ERBIN: variants seen among roughly 807,000 people sequenced by gnomAD.
ERBIN encodes erbb2 interacting protein.
In ERBIN, 60 loss-of-function variants were observed where a neutral mutation model predicts 158.4. The ratio of observed to expected loss-of-function variants is 0.38; its 90% CI spans 0.31 to 0.47. The LOEUF (loss-of-function observed/expected upper bound fraction) is 0.47, where lower values mean the gene tolerates loss of function less well. Ranked by LOEUF, ERBIN falls within the 20% of genes least tolerant of loss-of-function variation. The pLI is 0.99. For synonymous variants in ERBIN, 594 were observed against 557.2 expected, an observed-to-expected ratio of 1.07 and a Z score of -0.93; for missense variants, 1,610 against 1,648.0, an observed-to-expected ratio of 0.98 and a Z score of 0.40.
chr5:65,968,841 G>A (rs553307806), intron 1 of ERBIN, among the ~76,000 whole-genome samples: 7 of 152,298 alleles, frequency 4.6e-5, no homozygotes, highest in Middle Eastern at 3.4e-3. Flanking sequence ...GATTACAGGC[G>A]TGAGCCACTG....
chr5:65,986,708 A>G (rs1458363751), intron 1 of ERBIN, among the ~76,000 whole-genome samples: 1 of 152,254 alleles, frequency 6.6e-6, no homozygotes, highest in Non-Finnish European at 1.5e-5. Flanking sequence ...AAACATAGCA[A>G]TAGTTTAAGC....
chr5:66,050,796 A>G lies in ERBIN; in HGVS notation c.1917A>G (p.Glu639=). The part of the protein sequence containing the change: ...LSNNKKDDTK[E]TDSLSDEVTH... ...GTTTTGTTTCAGATGATACAAAGGA[A>G]ACAGATTCTTTATCAGATGAAGTTA... The change falls in exon 20 of 26, where the codon GAA becomes GAG. Residue 639 remains glutamate (E), a synonymous_variant. Transcript: ENST00000284037. The G allele has an allele frequency of 6.4e-7, 1 of 1,553,922 alleles. No individual in the cohort carries two copies. Among genetic ancestry groups the G allele is most frequent in the South Asian group, 1.2e-5 (1 of 80,820 alleles).
chr5:66,009,244 C>T (rs1471046498), intron 4 of ERBIN, among the ~76,000 whole-genome samples: 8 of 152,162 alleles, frequency 5.3e-5, no homozygotes, highest in Admixed American at 5.2e-4. Flanking sequence ...ATATTAGGAG[C>T]ATCATTTCAA....
chr5:65,976,229 T>C (rs1749837377), intron 1 of ERBIN, among the ~76,000 whole-genome samples: 1 of 152,194 alleles, frequency 6.6e-6, no homozygotes, highest in South Asian at 2.1e-4. Context: ...ATCCCAGCAC[T>C]TTGGGAAGCT....
At chr5:66,026,978 G>A (rs1756323897) in intron 13 of ERBIN, among the ~76,000 whole-genome samples, 1 of 151,946 alleles carries the variant, frequency 6.6e-6, no homozygotes, top group Non-Finnish European at 1.5e-5. Context: ...AAGGTGCAGA[G>A]TAAATTGATC....
At chr5:66,002,838 C>A (rs1451232681) in intron 4 of ERBIN, among the ~76,000 whole-genome samples, 2 of 152,098 alleles carry the variant, frequency 1.3e-5, no homozygotes, top group Non-Finnish European at 2.9e-5. Context: ...TCTAAAATTG[C>A]CATTTTGCTT....
At position 66,080,080 on chromosome 5, in the gene ERBIN, A is replaced by G. The variant is rs563795641; in HGVS notation, c.*1550A>G. On this transcript the variant is annotated 3_prime_UTR_variant, in exon 26 of 26. Transcript: ENST00000284037. Reference sequence around the variant, plus strand: ...TTATTGCACTTCATTTTTATTTACTAAGAAATGCAATTTGGGAATTTTTAA... The same window carrying G: ...TTATTGCACTTCATTTTTATTTACTGAGAAATGCAATTTGGGAATTTTTAA... 2.0e-5 allele frequency: 3 copies of G among 152,368 alleles called. No homozygotes were observed. Among genetic ancestry groups the G allele is most frequent in the African/African-American group, 7.2e-5 (3 of 41,574 alleles). 9.4% of individuals were successfully genotyped at this position (152,368 alleles called of 1,614,324 possible). A position where few individuals can be genotyped will look rare whatever the true frequency, so the allele number is the denominator to read the frequency against.
In ERBIN at chr5:66,054,329, G is replaced by C; in HGVS notation, c.3011G>C (p.Ser1004Thr). ...SKQNPQIDHA[S>T]FPPQLLPRSE... ...CAAAATCCCCAAATAGACCATGCCA[G>C]TTTTCCTCCTCAGCTCCTTCCTAGA... The change falls in exon 21 of 26, where the codon AGT becomes ACT. Residue 1004 changes from serine to threonine, a missense_variant. Coordinates refer to ENST00000284037, the MANE Select transcript of ERBIN (RefSeq NM_001253697.2). 6.2e-7 allele frequency: 1 copy of C among 1,614,122 alleles called. No individual in the cohort carries two copies. The highest frequency in any genetic ancestry group is 8.5e-7 in the Non-Finnish European group (1 of 1,180,008).
intron 8 of ERBIN, among the ~76,000 whole-genome samples, chr5:66,022,575 G>A (rs1165452823): frequency 6.6e-6 from 1 of 152,134 alleles, no homozygotes; most frequent in Non-Finnish European, 1.5e-5. Flanking sequence ...ATTGCAGATG[G>A]CTTTGTGAGG....
At chr5:65,980,297 G>A (rs563277458) in intron 1 of ERBIN, among the ~76,000 whole-genome samples, 7 of 151,798 alleles carry the variant, frequency 4.6e-5, no homozygotes, top group Admixed American at 1.3e-4. Context: ...GTGCGGTGTC[G>A]GGCGCCTGTA....
chr5:66,015,694 G>A (rs926984594), intron 7 of ERBIN, among the ~76,000 whole-genome samples: 7 of 152,042 alleles, frequency 4.6e-5, no homozygotes, highest in Admixed American at 1.3e-4. Context: ...AAAATTAGCC[G>A]GGCACAGCAG....
chr5:66,011,286 T>C (rs931044197), intron 4 of ERBIN, among the ~76,000 whole-genome samples: 8 of 152,212 alleles, frequency 5.3e-5, no homozygotes, highest in Non-Finnish European at 1.0e-4. Context: ...TTCAGGCATA[T>C]CCACTGGCAT....
intron 4 of ERBIN, among the ~76,000 whole-genome samples, chr5:66,011,641 C>T (rs528100422): frequency 1.3e-5 from 2 of 152,228 alleles, no homozygotes; most frequent in Non-Finnish European, 2.9e-5. Context: ...GAGCCTAGTT[C>T]GCCCCACTGT....
At chr5:65,951,156 T>A (rs923011561) in intron 1 of ERBIN, among the ~76,000 whole-genome samples, 1 of 152,212 alleles carries the variant, frequency 6.6e-6, no homozygotes, top group African/African-American at 2.4e-5. Context: ...CAAGTGAACC[T>A]AAAATTGGTA....
chr5:65,967,913 C>T (rs1013217126), intron 1 of ERBIN, among the ~76,000 whole-genome samples: 6 of 152,062 alleles, frequency 3.9e-5, no homozygotes, highest in Non-Finnish European at 8.8e-5. Flanking sequence ...TGTGACTTCT[C>T]GGTAAGACTT....
chr5:65,980,754 C>T (rs996614634), intron 1 of ERBIN, among the ~76,000 whole-genome samples: 2 of 151,796 alleles, frequency 1.3e-5, no homozygotes, highest in Non-Finnish European at 2.9e-5. Flanking sequence ...GAGAAGGATC[C>T]ATTCACCAAG....
At chr5:65,959,397 T>A (rs984570668) in intron 1 of ERBIN, among the ~76,000 whole-genome samples, 5 of 151,872 alleles carry the variant, frequency 3.3e-5, no homozygotes, top group Non-Finnish European at 5.9e-5. Context: ...TTTATAACTT[T>A]TAAAAACACA....
rs550440387 is a variant in ERBIN at position 66,077,814 on chromosome 5, ACACT to A, written c.4132-602_4132-599del. On this transcript the variant is annotated intron_variant, in intron 25 of 25. Transcript: ENST00000284037. ...CACACATACACACACACACACAGTCACACTCACTCATACAGTTATACACATTTAT... is the reference window on the plus strand; with the variant it reads ...CACACATACACACACACACACAGTCACACTCATACAGTTATACACATTTAT... 1.5e-3 allele frequency among the ~76,000 whole-genome samples: 203 copies of A among 136,024 alleles called. 3 individuals are homozygous for A. In the South Asian group the frequency reaches 0.039, roughly 26 times the overall value. The allele number at this position is 136,024 out of a possible 152,430, so 89.2% of individuals were successfully genotyped here.
rs75493091 is a variant in ERBIN at position 66,068,823 on chromosome 5, G to A, written c.3634-3346G>A. On this transcript the variant is annotated intron_variant, in intron 21 of 25. Transcript: ENST00000284037. ...TAAGTCTACGTATATAACATGTCTC[G>A]TGGATTTTGCATGCTACACTAATCT... 735 of 1,436,336 alleles carry A rather than the reference G, an allele frequency of 5.1e-4. 9 individuals are homozygous for A. In the East Asian group the frequency reaches 0.016, roughly 32 times the overall value. 89.0% of individuals were successfully genotyped at this position (1,436,336 alleles called of 1,614,324 possible). A position where few individuals can be genotyped will look rare whatever the true frequency, so the allele number is the denominator to read the frequency against.
Sources: allele counts gnomAD v4.1 joint callset (sites outside exome capture counted in the v4.1 genomes callset), GRCh38; gene constraint gnomAD v4.1.1; transcripts MANE v1.5; gene names NCBI Gene and HGNC (gene_info 2026-07-23, HGNC 2026-07-21).